PTPRG: variants seen among roughly 807,000 people sequenced by gnomAD.
PTPRG encodes the protein receptor-type tyrosine-protein phosphatase gamma.
In PTPRG, 102 loss-of-function variants were observed where a neutral mutation model predicts 165.3. The observed-to-expected ratio is 0.62, with a 90% CI of 0.53 to 0.73. The LOEUF is 0.73. Among genes scored for constraint, PTPRG ranks in the 30% least tolerant of loss-of-function variants. PTPRG has a pLI of 0.00. For synonymous variants in PTPRG, 675 were observed against 669.5 expected, an observed-to-expected ratio of 1.01 and a Z score of -0.13; for missense variants, 1,866 against 1,861.4, an observed-to-expected ratio of 1.00 and a Z score of -0.05.
At chr3:61,832,924 T>C (rs1182166936) in intron 2 of PTPRG, among the ~76,000 whole-genome samples, 1 of 152,232 alleles carries the variant, frequency 6.6e-6, no homozygotes, top group African/African-American at 2.4e-5. Flanking sequence ...TTCTCGTAGC[T>C]TGGCTCCCAC....
At chr3:61,668,304 A>C (rs866531946) in intron 1 of PTPRG, among the ~76,000 whole-genome samples, 2 of 152,332 alleles carry the variant, frequency 1.3e-5, no homozygotes, top group Middle Eastern at 6.8e-3. Context: ...TTTACAGGAC[A>C]CCCCTCTATC....
intron 2 of PTPRG, among the ~76,000 whole-genome samples, chr3:61,955,437 T>TA (rs2040007405): frequency 2.6e-5 from 4 of 152,392 alleles, no homozygotes; most frequent in African/African-American, 9.6e-5. Context: ...CCTGCAATGC[T>TA]ATGCTATCTC....
chr3:62,095,877 A>G (rs1032615902), intron 5 of PTPRG, among the ~76,000 whole-genome samples: 14 of 152,238 alleles, frequency 9.2e-5, no homozygotes, highest in African/African-American at 3.1e-4. Context: ...CAATGGCCCC[A>G]AGCAGGAGAA....
intron 6 of PTPRG, among the ~76,000 whole-genome samples, chr3:62,136,505 G>T (rs762852189): frequency 6.6e-6 from 1 of 152,152 alleles, no homozygotes; most frequent in Non-Finnish European, 1.5e-5. Context: ...TCAGTGGTTG[G>T]ACTGAGAAGA....
At chr3:61,946,407 A>G (rs2039762384) in intron 2 of PTPRG, among the ~76,000 whole-genome samples, 1 of 152,236 alleles carries the variant, frequency 6.6e-6, no homozygotes, top group African/African-American at 2.4e-5. Flanking sequence ...ACAGAGAAAG[A>G]TTTAATTTAG....
At chr3:62,150,081 C>G (rs766525233) in intron 6 of PTPRG, among the ~76,000 whole-genome samples, 1 of 152,148 alleles carries the variant, frequency 6.6e-6, no homozygotes, top group Non-Finnish European at 1.5e-5. Context: ...GTGATCCTGC[C>G]CTTGAAATTG....
intron 4 of PTPRG, among the ~76,000 whole-genome samples, chr3:62,058,890 T>C (rs1037383738): frequency 6.6e-6 from 1 of 152,190 alleles, no homozygotes; most frequent in African/African-American, 2.4e-5. Context: ...CTAAACTGCA[T>C]TATGATCCCT....
chr3:62,283,273 C>T (rs900824898), intron 28 of PTPRG, among the ~76,000 whole-genome samples: 4 of 151,924 alleles, frequency 2.6e-5, no homozygotes, highest in African/African-American at 9.7e-5. Context: ...AAAAATATGA[C>T]TTAGTTGATG....
intron 1 of PTPRG, among the ~76,000 whole-genome samples, chr3:61,653,756 T>C (rs1289941067): frequency 6.6e-6 from 1 of 152,146 alleles, no homozygotes; most frequent in Non-Finnish European, 1.5e-5. Context: ...GCCCAGCCTC[T>C]ATGAAAGGGA....
In PTPRG at chr3:61,862,380, CTT is replaced by C. The variant is rs5849448; in HGVS notation, c.190+113415_190+113416del. ...ATTTCTAATGTAGGTATTACTCAGACTTTTTTTTTTTTTTTTTTGAGATGGAA... is the reference window on the plus strand; with the variant it reads ...ATTTCTAATGTAGGTATTACTCAGACTTTTTTTTTTTTTTTTGAGATGGAA... On this transcript the variant is annotated intron_variant, in intron 2 of 29. Coordinates refer to ENST00000474889, the MANE Select transcript of PTPRG (RefSeq NM_002841.4). Among the ~76,000 whole-genome samples, 525 of 125,268 alleles carry C rather than the reference CTT, an allele frequency of 4.2e-3. 2 individuals are homozygous for C. Among genetic ancestry groups the C allele is most frequent in the African/African-American group, 0.013 (408 of 31,970 alleles). The allele number at this position is 125,268 out of a possible 152,430, so 82.2% of individuals were successfully genotyped here.
intron 12 of PTPRG, among the ~76,000 whole-genome samples, chr3:62,207,403 CA>C (rs1700256875): frequency 6.6e-6 from 1 of 152,228 alleles, no homozygotes; most frequent in South Asian, 2.1e-4. Context: ...CCACATCAGT[CA>C]ATGATCCTTC....
intron 2 of PTPRG, chr3:61,753,585 G>GTGTTTTT: frequency 2.8e-6 from 1 of 362,970 alleles, no homozygotes; most frequent in Non-Finnish European, 5.2e-6. Context: ...AAATTTGAGG[G>GTGTTTTT]TTTTTTTTTT....
intron 2 of PTPRG, among the ~76,000 whole-genome samples, chr3:61,792,720 CTTTCTTTCTTTCTTTCTTTCTTTCTTTG>C (rs2034922364): frequency 2.6e-5 from 2 of 76,544 alleles, no homozygotes; most frequent in Admixed American, 1.3e-4. Flanking sequence ...TTCTTTCTTT[CTTTCTTTCTTTCTTTCTTTCTTTCTTTG>C]AGATGGAGTC....
intron 2 of PTPRG, among the ~76,000 whole-genome samples, chr3:61,776,336 A>AC (rs142377442): frequency 1.6e-3 from 243 of 152,120 alleles, no homozygotes; most frequent in African/African-American, 5.5e-3. Flanking sequence ...GATTTTTTTG[A>AC]CCCCAAGTTC....
At chr3:61,840,782 G>GGT (rs1195443011) in intron 2 of PTPRG, among the ~76,000 whole-genome samples, 32 of 120,088 alleles carry the variant, frequency 2.7e-4, no homozygotes, top group African/African-American at 9.9e-4. Context: ...TTGTTTGTTT[G>GGT]TTTTTTTTTT....
At chr3:61,773,557 G>T (rs911258058) in intron 2 of PTPRG, among the ~76,000 whole-genome samples, 16 of 152,112 alleles carry the variant, frequency 1.1e-4, no homozygotes, top group African/African-American at 3.6e-4. Flanking sequence ...GTGTAAAAGT[G>T]TTTTAGGTTA....
At chr3:61,956,062 A>G (rs888200773) in intron 2 of PTPRG, among the ~76,000 whole-genome samples, 2 of 151,038 alleles carry the variant, frequency 1.3e-5, no homozygotes, top group Non-Finnish European at 2.9e-5. Context: ...CTGAAAATGA[A>G]AGAGCATGTG....
intron 1 of PTPRG, chr3:61,743,162 T>G (rs1274456520): frequency 1.1e-6 from 1 of 942,042 alleles, no homozygotes; most frequent in African/African-American, 1.6e-5. Context: ...TTTTTATCTT[T>G]TTTTGCTTCG....
At chr3:61,664,364 C>G (rs1575573880) in intron 1 of PTPRG, among the ~76,000 whole-genome samples, 1 of 152,112 alleles carries the variant, frequency 6.6e-6, no homozygotes, top group Non-Finnish European at 1.5e-5. Context: ...GTCTGATGGG[C>G]CATCACTCCT....
Sources: allele counts gnomAD v4.1 joint callset (sites outside exome capture counted in the v4.1 genomes callset), GRCh38; gene constraint gnomAD v4.1.1; transcripts MANE v1.5; gene names NCBI Gene and HGNC (gene_info 2026-07-23, HGNC 2026-07-21).